KCNJ3: variants seen among roughly 807,000 people sequenced by gnomAD.
The protein encoded by KCNJ3 is G protein-activated inward rectifier potassium channel 1.
Under a neutral mutation model 39.2 loss-of-function variants are expected in KCNJ3, and 4 were observed. That is an observed-to-expected ratio of 0.10 (90% CI 0.05 to 0.23). The LOEUF is 0.23. Ranked by LOEUF, KCNJ3 falls within the 10% of genes least tolerant of loss-of-function variation. The pLI is 1.00. For synonymous variants in KCNJ3, 230 were observed against 237.4 expected (o/e 0.97, Z 0.29); for missense variants, 276 against 634.9 (o/e 0.43, Z 6.08).
chr2:154,748,422 A>C (rs1230239888), intron 2 of KCNJ3, among the ~76,000 whole-genome samples: 1 of 152,060 alleles, frequency 6.6e-6, no homozygotes, highest in Non-Finnish European at 1.5e-5. Context: ...AACGAAAAGT[A>C]GAAAATTATG....
intron 2 of KCNJ3, among the ~76,000 whole-genome samples, chr2:154,777,094 A>C (rs1236594477): frequency 1.3e-5 from 2 of 152,096 alleles, no homozygotes; most frequent in East Asian, 3.9e-4. Flanking sequence ...TTGGGACATG[A>C]GCTAAATTTG....
chr2:154,749,648 G>A (rs551263415), intron 2 of KCNJ3, among the ~76,000 whole-genome samples: 15 of 152,150 alleles, frequency 9.9e-5, no homozygotes, highest in African/African-American at 3.6e-4. Flanking sequence ...TTATGACCTT[G>A]CCAAAGTAAC....
chr2:154,810,973 A>G (rs1686999217), intron 2 of KCNJ3, among the ~76,000 whole-genome samples: 1 of 152,234 alleles, frequency 6.6e-6, no homozygotes, highest in South Asian at 2.1e-4. Context: ...ATTTTAGATC[A>G]CACTGTTGGA....
intron 2 of KCNJ3, among the ~76,000 whole-genome samples, chr2:154,775,879 G>T (rs1273193948): frequency 6.6e-6 from 1 of 152,086 alleles, no homozygotes; most frequent in Non-Finnish European, 1.5e-5. Context: ...TATCTATGAG[G>T]CAGACAAAAA....
intron 2 of KCNJ3, among the ~76,000 whole-genome samples, chr2:154,710,236 C>T (rs1341099905): frequency 1.3e-5 from 2 of 152,026 alleles, no homozygotes; most frequent in Admixed American, 6.6e-5. Context: ...ATTGATAGAG[C>T]TTTGATATCC....
chr2:154,758,588 A>G (rs1685982661), intron 2 of KCNJ3, among the ~76,000 whole-genome samples: 2 of 152,242 alleles, frequency 1.3e-5, no homozygotes, highest in African/African-American at 4.8e-5. Context: ...CAGTAGAGTC[A>G]TGACTATCCA....
At position 154,782,007 on chromosome 2, in the gene KCNJ3, A is replaced by G. The variant is rs183524314; in HGVS notation, c.919+72188A>G. On this transcript the variant is annotated intron_variant, in intron 2 of 2. Transcript: ENST00000295101. ...TGGATAAATAATTCTTTGGACTTTT[A>G]AATCTGTTTTTGTGATGATTTTTGT... Among the ~76,000 whole-genome samples the G allele has an allele frequency of 1.6e-3, 248 of 152,292 alleles. 1 individual carries two copies. Among genetic ancestry groups the G allele is most frequent in the African/African-American group, 5.8e-3 (241 of 41,574 alleles).
intron 2 of KCNJ3, among the ~76,000 whole-genome samples, chr2:154,720,318 T>C (rs1302404994): frequency 6.6e-6 from 1 of 152,032 alleles, no homozygotes; most frequent in Non-Finnish European, 1.5e-5. Context: ...AATATACTCA[T>C]AAGCCTAAGA....
At chr2:154,752,426 A>G (rs1371924689) in intron 2 of KCNJ3, among the ~76,000 whole-genome samples, 3 of 152,014 alleles carry the variant, frequency 2.0e-5, no homozygotes, top group African/African-American at 4.8e-5. Flanking sequence ...AAATGTATGG[A>G]GCTTTAAAGA....
At position 154,856,471 on chromosome 2, in the gene KCNJ3, TTGAG is replaced by T. The variant is rs1309635268; in HGVS notation, c.*1160_*1163del. 6.6e-6 allele frequency: 1 copy of T among 152,380 alleles called. No individual in the cohort carries two copies. The highest frequency in any genetic ancestry group is 1.5e-5 in the Non-Finnish European group (1 of 68,002). The allele number at this position is 152,380 out of a possible 1,614,324, so 9.4% of individuals were successfully genotyped here. ...TTATGCTTAAAATATGTATGTCTAA[TTGAG>T]TCTCTTTTTTATTCTGTTTTCTTGT... On this transcript the variant is annotated 3_prime_UTR_variant, in exon 3 of 3. Coordinates refer to ENST00000295101, the MANE Select transcript of KCNJ3 (RefSeq NM_002239.4).
chr2:154,781,078 GAGA>G (rs1358764120), intron 2 of KCNJ3, among the ~76,000 whole-genome samples: 1 of 152,134 alleles, frequency 6.6e-6, no homozygotes, highest in African/African-American at 2.4e-5. Flanking sequence ...GATGAGATAT[GAGA>G]AGGACAACTG....
At chr2:154,773,376 T>G (rs1007161231) in intron 2 of KCNJ3, among the ~76,000 whole-genome samples, 1 of 152,100 alleles carries the variant, frequency 6.6e-6, no homozygotes, top group African/African-American at 2.4e-5. Flanking sequence ...GCATGGGCTG[T>G]TTTGCTTAAT....
intron 2 of KCNJ3, among the ~76,000 whole-genome samples, chr2:154,789,145 C>T (rs1168563547): frequency 1.3e-5 from 2 of 151,962 alleles, no homozygotes; most frequent in Non-Finnish European, 2.9e-5. Flanking sequence ...ATTTTCCAAG[C>T]TGCATATTAT....
At chr2:154,783,044 C>T (rs905793279) in intron 2 of KCNJ3, among the ~76,000 whole-genome samples, 5 of 151,780 alleles carry the variant, frequency 3.3e-5, no homozygotes, top group East Asian at 1.9e-4. Context: ...CGGGCGTGGT[C>T]GTGGGCACCT....
intron 2 of KCNJ3, among the ~76,000 whole-genome samples, chr2:154,832,162 C>G (rs1192418815): frequency 6.6e-6 from 1 of 151,992 alleles, no homozygotes; most frequent in East Asian, 1.9e-4. Context: ...CTAGACACCT[C>G]CCACCGGGCC....
chr2:154,699,640 C>A lies in KCNJ3; in HGVS notation c.702+163C>A. On this transcript the variant is annotated intron_variant, in intron 1 of 2. Transcript: ENST00000295101. The surrounding 1 kb of genome is among the most constrained non-coding windows in gnomAD (Gnocchi z 6.4). ...GGGTTGGAGGACTGGGCAAAGAATG[C>A]GGTTGACAGTTCTGTTCCTTTTCCA... The A allele has an allele frequency of 1.8e-6, 1 of 554,154 alleles. No individual in the cohort carries two copies. Among genetic ancestry groups the A allele is most frequent in the Non-Finnish European group, 2.3e-6 (1 of 435,632 alleles). The allele number at this position is 554,154 out of a possible 1,614,324, so 34.3% of individuals were successfully genotyped here. A position where few individuals can be genotyped will look rare whatever the true frequency, so the allele number is the denominator to read the frequency against.
rs193187610 is a variant in KCNJ3, at chr2:154,854,583, A to G, written c.920-144A>G. 2,223 of 578,122 alleles carry G rather than the reference A, an allele frequency of 3.8e-3. 10 individuals are homozygous for G. Among genetic ancestry groups the G allele is most frequent in the Middle Eastern group, 7.9e-3 (17 of 2,150 alleles). The allele number at this position is 578,122 out of a possible 1,614,324, so 35.8% of individuals were successfully genotyped here. On this transcript the variant is annotated intron_variant, in intron 2 of 2. Coordinates refer to ENST00000295101, the MANE Select transcript of KCNJ3 (RefSeq NM_002239.4). ...ATCAAAGCTATTAACTTAGAGTACAACTTTTAATCTATTCTATTATTCGGG... is the reference window on the plus strand; with the variant it reads ...ATCAAAGCTATTAACTTAGAGTACAGCTTTTAATCTATTCTATTATTCGGG...
At chr2:154,786,864 A>C (rs1026893437) in intron 2 of KCNJ3, among the ~76,000 whole-genome samples, 2 of 152,198 alleles carry the variant, frequency 1.3e-5, no homozygotes, top group Non-Finnish European at 2.9e-5. Context: ...AATGAATTAG[A>C]CGTGGACTCT....
At chr2:154,777,254 T>C (rs73005224) in intron 2 of KCNJ3, among the ~76,000 whole-genome samples, 19,163 of 152,236 alleles carry the variant, frequency 0.13, 2,114 homozygotes, top group East Asian at 0.3. Context: ...TATTTTCCTG[T>C]GACTACAGTG....
Sources: gnomAD v4.1 joint callset for allele counts (sites outside exome capture counted in the v4.1 genomes callset) on GRCh38, gnomAD v4.1.1 for gene constraint, Gnocchi (gnomAD v3.1) non-coding constraint, MANE v1.5 for transcripts, NCBI Gene and HGNC (gene_info 2026-07-23, HGNC 2026-07-21) for gene names.